BAIAP2L1: variants seen among roughly 807,000 people sequenced by gnomAD.
BAIAP2L1 encodes BAR/IMD domain containing adaptor protein 2 like 1.
In BAIAP2L1, 35 loss-of-function variants were observed where a neutral mutation model predicts 66.3. That is an observed-to-expected ratio of 0.53 (90% confidence interval 0.40 to 0.70). The LOEUF is 0.70. Ranked by LOEUF, BAIAP2L1 falls within the 30% of genes least tolerant of loss-of-function variation. The pLI, the probability that BAIAP2L1 is intolerant of heterozygous loss-of-function variation, is 0.00. For synonymous variants in BAIAP2L1, 269 were observed against 248.7 expected (o/e 1.08, Z -0.77); for missense variants, 622 against 656.9 (o/e 0.95, Z 0.58).
intron 2 of BAIAP2L1, among the ~76,000 whole-genome samples, chr7:98,357,861 G>C (rs140477808): frequency 1.0e-3 from 153 of 152,258 alleles, no homozygotes; most frequent in African/African-American, 3.3e-3. Flanking sequence ...TTGAGTCAGC[G>C]GGAAGGCACA....
Position 98,328,619 on chromosome 7 carries a change from G to A in BAIAP2L1, c.215-8321C>T, listed in dbSNP as rs1227882246. Among the ~76,000 whole-genome samples the A allele has an allele frequency of 2.6e-5, 4 of 151,126 alleles. No individual in the cohort carries two copies. In the East Asian group the frequency reaches 7.8e-4, roughly 29 times the overall value. On this transcript the variant is annotated intron_variant, in intron 3 of 13. Transcript: ENST00000005260. The stretch of plus-strand genomic sequence containing the variant: ...CCCAGCTACTTGGGAGGCTGAGGTG[G>A]GAAGACTGCTTGAGCCCAGAAGTTG...
intron 3 of BAIAP2L1, among the ~76,000 whole-genome samples, chr7:98,341,660 C>G (rs1417776539): frequency 6.6e-6 from 1 of 152,200 alleles, no homozygotes; most frequent in Non-Finnish European, 1.5e-5. Context: ...CAGCAAGTTA[C>G]TGCCTTTGTA....
At chr7:98,331,726 C>T (rs906714956) in intron 3 of BAIAP2L1, among the ~76,000 whole-genome samples, 1 of 152,106 alleles carries the variant, frequency 6.6e-6, no homozygotes, top group Non-Finnish European at 1.5e-5. Context: ...GCCTCAGCTT[C>T]CCAAAGTGCT....
chr7:98,364,626 T>C (rs531973229), intron 1 of BAIAP2L1, among the ~76,000 whole-genome samples: 1 of 151,990 alleles, frequency 6.6e-6, no homozygotes, highest in South Asian at 2.1e-4. Context: ...ATCTTTACCT[T>C]GACGTTTGCT....
rs369154895 is a variant in BAIAP2L1 at position 98,293,822 on chromosome 7, G to A, written c.1461-226C>T. 3.1e-4 allele frequency among the ~76,000 whole-genome samples: 47 copies of A among 152,354 alleles called. No individual in the cohort carries two copies. The East Asian group carries it at 4.1e-3, about 13-fold the overall frequency. On this transcript the variant is annotated intron_variant, in intron 13 of 13. Coordinates refer to ENST00000005260, the MANE Select transcript of BAIAP2L1 (RefSeq NM_018842.5). ...ATCCCAGGTTTTAAGCGTTCTGGAC[G>A]TGGGCACCCACACCTCTTTAGTCCT...
intron 5 of BAIAP2L1, among the ~76,000 whole-genome samples, chr7:98,318,399 G>A (rs1237274221): frequency 6.6e-6 from 1 of 151,766 alleles, no homozygotes; most frequent in African/African-American, 2.4e-5. Flanking sequence ...AGTGATTCTT[G>A]TGCCTCAGCC....
intron 1 of BAIAP2L1, among the ~76,000 whole-genome samples, chr7:98,390,939 C>T (rs568184077): frequency 1.1e-4 from 17 of 151,680 alleles, no homozygotes; most frequent in Non-Finnish European, 2.1e-4. Context: ...CCGGTTCAAG[C>T]GATCCTGCCT....
intron 12 of BAIAP2L1, among the ~76,000 whole-genome samples, chr7:98,296,550 G>A (rs770045846): frequency 2.0e-5 from 3 of 152,206 alleles, no homozygotes; most frequent in Non-Finnish European, 2.9e-5. Flanking sequence ...GCTTGAACAG[G>A]GAGGCAGAGG....
intron 9 of BAIAP2L1, chr7:98,310,223 T>A (rs1458494807): frequency 3.9e-6 from 2 of 510,770 alleles, no homozygotes; most frequent in Non-Finnish European, 6.8e-6. Flanking sequence ...TGCGTAGAAC[T>A]GGTAAATGTC....
chr7:98,292,420 T>C lies in BAIAP2L1; in HGVS notation c.*1101A>G, dbSNP rs556773670. ...GACTCCTGACCTCAGGTGATCCCCCTGCCTCGGCCTCACAAAATGCTGGGA... is the reference window on the plus strand; with the variant it reads ...GACTCCTGACCTCAGGTGATCCCCCCGCCTCGGCCTCACAAAATGCTGGGA... On this transcript the variant is annotated 3_prime_UTR_variant, in exon 14 of 14. Coordinates refer to ENST00000005260, the MANE Select transcript of BAIAP2L1 (RefSeq NM_018842.5). The C allele has an allele frequency of 3.5e-6, 2 of 565,316 alleles. No homozygotes were observed. Among genetic ancestry groups the C allele is most frequent in the Admixed American group, 3.1e-5 (1 of 32,032 alleles). The allele number at this position is 565,316 out of a possible 1,614,324, so 35.0% of individuals were successfully genotyped here.
rs181049795 is a variant in BAIAP2L1 at position 98,311,612 on chromosome 7, G to C, written c.807+485C>G. 4.4e-3 allele frequency among the ~76,000 whole-genome samples: 660 copies of C among 149,334 alleles called. 1 individual carries two copies. The highest frequency in any genetic ancestry group is 0.015 in the African/African-American group (625 of 40,660). ...AACAAAGATAATAGCGCCAAACATA[G>C]TATAAAACATGTGCCCAACTTATGG... On this transcript the variant is annotated intron_variant, in intron 8 of 13. Coordinates refer to ENST00000005260, the MANE Select transcript of BAIAP2L1 (RefSeq NM_018842.5).
At chr7:98,304,150 G>T (rs1026016114) in intron 12 of BAIAP2L1, 46 bp downstream of exon 12, 1 of 1,500,126 alleles carries the variant, frequency 6.7e-7, no homozygotes, top group Non-Finnish European at 8.9e-7. Flanking sequence ...CCCAGTCGGG[G>T]ATGGCGAGTC....
Position 98,310,505 on chromosome 7 carries a change from C to T in BAIAP2L1, c.895G>A (p.Asp299Asn), listed in dbSNP as rs1390139204. ...GCCGTGGCTGGGTTATTAAACATAT[C>T]GATCAAGGGACTGGTATATGCTCTG... ...SGRAYTSPLI[D>N]MFNNPATAAP... Residue 299 changes from aspartate to asparagine, a missense_variant, in exon 9 of 14, where the codon GAT becomes AAT. Physicochemically the swap from Asp to Asn is conservative, Grantham distance 23 (BLOSUM62 1). Coordinates refer to ENST00000005260, the MANE Select transcript of BAIAP2L1 (RefSeq NM_018842.5). 8 of 1,606,518 alleles carry T rather than the reference C, an allele frequency of 5.0e-6. No individual in the cohort carries two copies. The highest frequency in any genetic ancestry group is 3.4e-5 in the South Asian group (3 of 88,980).
At chr7:98,365,369 T>C (rs932501531) in intron 1 of BAIAP2L1, among the ~76,000 whole-genome samples, 5 of 152,316 alleles carry the variant, frequency 3.3e-5, no homozygotes, top group African/African-American at 9.6e-5. Flanking sequence ...TTTTGTTCTA[T>C]AACGCTAACA....
intron 1 of BAIAP2L1, among the ~76,000 whole-genome samples, chr7:98,386,893 G>GT (rs1802907203): frequency 2.0e-5 from 3 of 151,806 alleles, no homozygotes; most frequent in African/African-American, 7.3e-5. Flanking sequence ...TAGAGACGGG[G>GT]TTTCACCGTG....
At chr7:98,353,989 T>C (rs1802064419) in intron 3 of BAIAP2L1, among the ~76,000 whole-genome samples, 2 of 149,656 alleles carry the variant, frequency 1.3e-5, no homozygotes, top group African/African-American at 2.5e-5. Context: ...TAAAATAAAA[T>C]AAAATAAAAT....
intron 11 of BAIAP2L1, among the ~76,000 whole-genome samples, chr7:98,305,022 C>T (rs1038715344): frequency 1.0e-4 from 15 of 149,578 alleles, no homozygotes; most frequent in African/African-American, 2.7e-4. Context: ...CCTGCCACCA[C>T]GCCCAGCTAA....
intron 5 of BAIAP2L1, among the ~76,000 whole-genome samples, chr7:98,319,545 T>G (rs998173907): frequency 2.1e-4 from 30 of 143,312 alleles, no homozygotes; most frequent in Non-Finnish European, 3.1e-4. Context: ...CTTTTTCCTA[T>G]GCCTTTTTTT....
chr7:98,322,526 T>C (rs1233532881), intron 3 of BAIAP2L1, among the ~76,000 whole-genome samples: 1 of 152,092 alleles, frequency 6.6e-6, no homozygotes, highest in Non-Finnish European at 1.5e-5. Flanking sequence ...ACCTGTAGGG[T>C]GCAGCCATGT....
Sources: allele counts gnomAD v4.1 joint callset (sites outside exome capture counted in the v4.1 genomes callset), GRCh38; gene constraint gnomAD v4.1.1; transcripts MANE v1.5; gene names NCBI Gene and HGNC (gene_info 2026-07-23, HGNC 2026-07-21).